Variants in KIF26B observed in about 807,000 individuals in gnomAD.
KIF26B encodes the protein kinesin-like protein KIF26B.
A neutral mutation model predicts 151.2 loss-of-function variants in KIF26B; 63 were observed. That is an observed-to-expected ratio of 0.42 (90% CI 0.34 to 0.51). The LOEUF is 0.51. KIF26B is among the 20% of genes least tolerant of loss of function. KIF26B has a pLI of 0.07. For missense variants in KIF26B, 2,813 were observed against 2,913.6 expected, an observed-to-expected ratio of 0.97 and a Z score of 0.79; for synonymous variants, 1,357 against 1,262.1, an observed-to-expected ratio of 1.08 and a Z score of -1.59.
At chr1:245,213,880 C>T (rs1228958539) in intron 2 of KIF26B, among the ~76,000 whole-genome samples, 2 of 152,150 alleles carry the variant, frequency 1.3e-5, no homozygotes, top group East Asian at 3.9e-4. Flanking sequence ...GTACCTGGAA[C>T]GTACATTTTT....
chr1:245,285,105 T>G lies in KIF26B; in HGVS notation c.466-81729T>G, dbSNP rs1287494082. 2.0e-5 allele frequency among the ~76,000 whole-genome samples: 3 copies of G among 152,212 alleles called. No individual in the cohort carries two copies. In the East Asian group the frequency reaches 5.8e-4, roughly 29 times the overall value. On this transcript the variant is annotated intron_variant, in intron 2 of 14. Transcript: ENST00000407071. ...TTTGCTCTTGTGTCTGGGAGTCAGT[T>G]AGGGTCTGCTGGTCCAGGCTGTGCT... is the stretch of plus-strand genomic sequence containing the variant.
At chr1:245,588,499 G>C (rs1486031321) in intron 5 of KIF26B, among the ~76,000 whole-genome samples, 1 of 152,092 alleles carries the variant, frequency 6.6e-6, no homozygotes, top group Non-Finnish European at 1.5e-5. Flanking sequence ...GGCTTCACTG[G>C]GCCCCTCTTC....
chr1:245,664,472 CCTT>C (rs958333028), intron 10 of KIF26B, among the ~76,000 whole-genome samples: 2 of 152,010 alleles, frequency 1.3e-5, no homozygotes, highest in African/African-American at 4.8e-5. Flanking sequence ...ACACACCTCT[CCTT>C]CTTTTAAATA....
chr1:245,681,800 T>A (rs2044443131), intron 10 of KIF26B, among the ~76,000 whole-genome samples: 1 of 152,216 alleles, frequency 6.6e-6, no homozygotes, highest in African/African-American at 2.4e-5. Context: ...AGTGTTTTAT[T>A]TTAAAGAAAT....
intron 2 of KIF26B, among the ~76,000 whole-genome samples, chr1:245,184,050 GTTTTTT>G (rs758993117): frequency 1.5e-4 from 3 of 19,810 alleles, no homozygotes; most frequent in South Asian, 2.8e-3. Flanking sequence ...GGGAGTTGTT[GTTTTTT>G]TTTTTTTTTT....
intron 2 of KIF26B, among the ~76,000 whole-genome samples, chr1:245,260,914 TA>T (rs1670623311): frequency 1.3e-5 from 2 of 152,234 alleles, no homozygotes; most frequent in South Asian, 4.1e-4. Context: ...TAGCTCTCTG[TA>T]GATGCTTATT....
At chr1:245,386,636 G>T (rs1205284958) in intron 3 of KIF26B, among the ~76,000 whole-genome samples, 1 of 152,172 alleles carries the variant, frequency 6.6e-6, no homozygotes, top group East Asian at 1.9e-4. Context: ...CCAGGAACCT[G>T]GCTTTAAGAT....
At chr1:245,172,666 C>T (rs1668734126) in intron 2 of KIF26B, among the ~76,000 whole-genome samples, 1 of 152,258 alleles carries the variant, frequency 6.6e-6, no homozygotes, top group African/African-American at 2.4e-5. Flanking sequence ...AAAAATTAGC[C>T]AGATGTGGTT....
chr1:245,178,826 G>A (rs6662075), intron 2 of KIF26B, among the ~76,000 whole-genome samples: 31,422 of 152,028 alleles, frequency 0.21, 4,366 homozygotes, highest in East Asian at 0.4. Context: ...CACATGCAGT[G>A]TCTGAGTGGA....
At chr1:245,535,994 CAT>C (rs766358592) in intron 4 of KIF26B, among the ~76,000 whole-genome samples, 28 of 152,258 alleles carry the variant, frequency 1.8e-4, no homozygotes, top group Non-Finnish European at 2.9e-4. Flanking sequence ...ATAGCATTGT[CAT>C]GTGCCAACTG....
At chr1:245,484,189 T>C (rs980979250) in intron 4 of KIF26B, among the ~76,000 whole-genome samples, 4 of 151,906 alleles carry the variant, frequency 2.6e-5, no homozygotes, top group African/African-American at 9.7e-5. Flanking sequence ...GCCTTGCCTC[T>C]CTTAATAAGT....
chr1:245,685,570 G>GACACCGTCA lies in KIF26B; in HGVS notation c.2588_2596dup (p.Val865_Ile866insAsnThrVal). 1.2e-6 allele frequency: 2 copies of GACACCGTCA among 1,613,736 alleles called. No individual in the cohort carries two copies. Among genetic ancestry groups the GACACCGTCA allele is most frequent in the Non-Finnish European group, 1.7e-6 (2 of 1,179,870 alleles). On this transcript the variant is annotated inframe_insertion, in exon 12 of 15. Transcript: ENST00000407071. ...CTCCTCCAGCAGCGAGCAGTCCTGC[G>GACACCGTCA]ACACCGTCATCTACATCGGGCCCAA...
rs2043070658 is a variant in KIF26B, at chr1:245,572,034, A to AGGGAATAGCTTTTATCTGCTAAGTATGAC, written c.1351-30542_1351-30514dup. Among the ~76,000 whole-genome samples, 1 of 152,144 alleles carries AGGGAATAGCTTTTATCTGCTAAGTATGAC rather than the reference A, an allele frequency of 6.6e-6. No homozygotes were observed. Among genetic ancestry groups the AGGGAATAGCTTTTATCTGCTAAGTATGAC allele is most frequent in the South Asian group, 2.1e-4 (1 of 4,822 alleles). On this transcript the variant is annotated intron_variant, in intron 5 of 14. Coordinates refer to ENST00000407071, the MANE Select transcript of KIF26B (RefSeq NM_018012.4). This position sits in a 1 kb window ranked among gnomAD's most constrained non-coding sequence, Gnocchi z 4.2. Reference sequence around the variant, plus strand: ...GGGATTCTGTTAGAACAATATCCTCAGGGAATAGCTTTTATCTGCTAAGTA... The same window carrying AGGGAATAGCTTTTATCTGCTAAGTATGAC: ...GGGATTCTGTTAGAACAATATCCTCAGGGAATAGCTTTTATCTGCTAAGTATGACGGGAATAGCTTTTATCTGCTAAGTA...
At chr1:245,653,361 T>C (rs989381122) in intron 10 of KIF26B, among the ~76,000 whole-genome samples, 1 of 152,200 alleles carries the variant, frequency 6.6e-6, no homozygotes, top group African/African-American at 2.4e-5. Flanking sequence ...CTAGTACTTA[T>C]TTCCTGGCAT....
chr1:245,282,960 G>T, intron 2 of KIF26B: 1 of 310,884 alleles, frequency 3.2e-6, no homozygotes, highest in Non-Finnish European at 6.6e-6. Flanking sequence ...ACCACCGAAG[G>T]CAGATTTTGG....
chr1:245,546,659 C>T (rs914207339), intron 5 of KIF26B, among the ~76,000 whole-genome samples: 1 of 152,168 alleles, frequency 6.6e-6, no homozygotes, highest in African/African-American at 2.4e-5. Flanking sequence ...TTCTGGATCC[C>T]GCTAGATCCC....
intron 5 of KIF26B, among the ~76,000 whole-genome samples, chr1:245,554,806 G>A (rs948882878): frequency 1.4e-4 from 21 of 152,168 alleles, no homozygotes; most frequent in South Asian, 2.1e-4. Context: ...TGCTGCATGC[G>A]GTTGCCCTGC....
chr1:245,233,061 T>C (rs1348595006), intron 2 of KIF26B, among the ~76,000 whole-genome samples: 1 of 152,216 alleles, frequency 6.6e-6, no homozygotes. Flanking sequence ...ACTTGGCATC[T>C]TCATCTCACT....
rs2044806988 is a variant in KIF26B at position 245,703,909 on chromosome 1, C to A, written c.*1303C>A. On this transcript the variant is annotated 3_prime_UTR_variant, in exon 15 of 15. Coordinates refer to ENST00000407071, the MANE Select transcript of KIF26B (RefSeq NM_018012.4). The stretch of plus-strand genomic sequence containing the variant: ...TCCTGCCCAAAGGCAGAGAGAGCTT[C>A]CCCTCCATAACTCACACGACCCTGG... 1 of 152,214 alleles carries A rather than the reference C, an allele frequency of 6.6e-6. No homozygotes were observed. The highest frequency in any genetic ancestry group is 2.4e-5 in the African/African-American group (1 of 41,452). The allele number at this position is 152,214 out of a possible 1,614,324, so 9.4% of individuals were successfully genotyped here.
Sources: allele counts gnomAD v4.1 joint callset (sites outside exome capture counted in the v4.1 genomes callset), GRCh38; gene constraint gnomAD v4.1.1; non-coding constraint Gnocchi (gnomAD v3.1); transcripts MANE v1.5; gene names NCBI Gene and HGNC (gene_info 2026-07-23, HGNC 2026-07-21).